ZFP91: variants seen among roughly 807,000 people sequenced by gnomAD.
The protein encoded by ZFP91 is E3 ubiquitin-protein ligase ZFP91.
ZFP91 carries 7 observed loss-of-function variants against 63.5 expected under a neutral mutation model. The observed-to-expected ratio is 0.11, with a 90% CI of 0.06 to 0.21. The LOEUF (loss-of-function observed/expected upper bound fraction) is 0.21, where lower values mean the gene tolerates loss of function less well. Ranked by LOEUF, ZFP91 falls within the 10% of genes least tolerant of loss-of-function variation. The pLI is 1.00. For synonymous variants in ZFP91, 330 were observed against 272.1 expected (o/e 1.21, Z -2.10); for missense variants, 628 against 736.6 (o/e 0.85, Z 1.71).
chr11:58,583,636 T>C (rs902551271), intron 1 of ZFP91, among the ~76,000 whole-genome samples: 1 of 152,124 alleles, frequency 6.6e-6, no homozygotes, highest in African/African-American at 2.4e-5. Context: ...AAGTTTGTTA[T>C]ATAATTTTTC....
rs768110881 is a variant in ZFP91, at chr11:58,617,188, C to G, written c.1203-8C>G. 9.0e-6 allele frequency: 14 copies of G among 1,559,502 alleles called. No homozygotes were observed. Among genetic ancestry groups the G allele is most frequent in the Admixed American group, 4.0e-5 (2 of 50,628 alleles). ...TGGATCAGCCATTTCCTTTTCTCCT[C>G]TCCTTAGATGTGAGATCTGTGGATT... On this transcript the variant is annotated splice_polypyrimidine_tract_variant and splice_region_variant and intron_variant, in intron 10 of 10. Coordinates refer to ENST00000316059, the MANE Select transcript of ZFP91 (RefSeq NM_053023.5). This position sits in a 1 kb window ranked among gnomAD's most constrained non-coding sequence, Gnocchi z 4.2.
chr11:58,584,913 G>C, intron 2 of ZFP91, 29 bp downstream of exon 2: 1 of 1,478,522 alleles, frequency 6.8e-7, no homozygotes, highest in Non-Finnish European at 9.0e-7. Context: ...TACCTCTAGC[G>C]TACATTACAC....
chr11:58,597,697 A>T (rs996850653), intron 2 of ZFP91, among the ~76,000 whole-genome samples: 11 of 152,170 alleles, frequency 7.2e-5, no homozygotes, highest in Non-Finnish European at 5.9e-5. Flanking sequence ...CAAAAACTGC[A>T]AGATTTTTGC....
chr11:58,583,253 T>G (rs1358308273), intron 1 of ZFP91, among the ~76,000 whole-genome samples: 5 of 152,118 alleles, frequency 3.3e-5, no homozygotes, highest in Non-Finnish European at 7.4e-5. Flanking sequence ...ACTTAAAACT[T>G]TAGGGACAAA....
At position 58,594,113 on chromosome 11, in the gene ZFP91, T is replaced by G. The variant is rs1190043171; in HGVS notation, c.370+9229T>G. Among the ~76,000 whole-genome samples the G allele has an allele frequency of 2.6e-5, 4 of 152,350 alleles. No individual in the cohort carries two copies. In the South Asian group the frequency reaches 8.3e-4, roughly 32 times the overall value. On this transcript the variant is annotated intron_variant, in intron 2 of 10. Transcript: ENST00000316059. ...TGCAAATCTGATCATGTCACCGTTC[T>G]GTTTAAACTCTGTCTGTGGCTATTA... is the stretch of plus-strand genomic sequence containing the variant.
At chr11:58,603,176 A>G (rs1855518710) in intron 2 of ZFP91, among the ~76,000 whole-genome samples, 1 of 152,204 alleles carries the variant, frequency 6.6e-6, no homozygotes. Context: ...TAAGCAATGA[A>G]CTTGGATATT....
chr11:58,604,171 A>G (rs1379368949), intron 2 of ZFP91, among the ~76,000 whole-genome samples: 2 of 152,204 alleles, frequency 1.3e-5, no homozygotes, highest in African/African-American at 4.8e-5. Context: ...ACCTGTAAAT[A>G]TGAACTTATT....
chr11:58,582,026 A>T (rs1855126101), intron 1 of ZFP91, among the ~76,000 whole-genome samples: 1 of 152,228 alleles, frequency 6.6e-6, no homozygotes, highest in Non-Finnish European at 1.5e-5. Flanking sequence ...TTTTTGTTAC[A>T]CATTTTTACC....
At chr11:58,603,120 T>A (rs1855517854) in intron 2 of ZFP91, among the ~76,000 whole-genome samples, 1 of 152,234 alleles carries the variant, frequency 6.6e-6, no homozygotes, top group African/African-American at 2.4e-5. Context: ...GTGATCCTTG[T>A]TATAAAGTTG....
intron 2 of ZFP91, among the ~76,000 whole-genome samples, chr11:58,585,252 C>G (rs1855186049): frequency 6.6e-6 from 1 of 152,074 alleles, no homozygotes; most frequent in East Asian, 1.9e-4. Flanking sequence ...GCTGAGTGTT[C>G]TAAGAATTCA....
chr11:58,608,850 G>T (rs994050419), intron 2 of ZFP91, among the ~76,000 whole-genome samples: 1 of 152,072 alleles, frequency 6.6e-6, no homozygotes, highest in Admixed American at 6.5e-5. Flanking sequence ...TGATCTGCCC[G>T]CCTTGGCCAC....
At chr11:58,584,332 A>G (rs1381172706) in intron 1 of ZFP91, among the ~76,000 whole-genome samples, 1 of 152,126 alleles carries the variant, frequency 6.6e-6, no homozygotes, top group South Asian at 2.1e-4. Flanking sequence ...GGAAAATAGT[A>G]TAATGAAACC....
chr11:58,591,002 T>C (rs757649916), intron 2 of ZFP91, among the ~76,000 whole-genome samples: 23 of 152,038 alleles, frequency 1.5e-4, no homozygotes, highest in Non-Finnish European at 2.9e-4. Context: ...ATAAGACATA[T>C]ACATGTACTC....
chr11:58,609,585 T>C (rs1246779120), intron 2 of ZFP91, among the ~76,000 whole-genome samples: 2 of 152,234 alleles, frequency 1.3e-5, no homozygotes, highest in Non-Finnish European at 2.9e-5. Context: ...TAGCATTGCA[T>C]TTTTTAGAAG....
chr11:58,589,614 G>A (rs1590612677), intron 2 of ZFP91, among the ~76,000 whole-genome samples: 2 of 152,304 alleles, frequency 1.3e-5, no homozygotes, highest in Middle Eastern at 6.8e-3. Flanking sequence ...TAATGTTCAA[G>A]CCTCAAAGGC....
At chr11:58,591,831 C>G (rs566606092) in intron 2 of ZFP91, among the ~76,000 whole-genome samples, 1 of 152,140 alleles carries the variant, frequency 6.6e-6, no homozygotes, top group Admixed American at 6.5e-5. Context: ...TCCAATGTAG[C>G]GAACCTTGCA....
chr11:58,611,056 C>T lies in ZFP91; in HGVS notation c.722+2C>T, dbSNP rs762749591. ...GACCTACAAACCCCACTTAGAAAGG[C>T]ATGTCTCAGATTTTACTGCAGACAT... On this transcript the variant is annotated splice_donor_variant, in intron 5 of 10. Transcript: ENST00000316059. LOFTEE classifies it low-confidence loss of function (GC_TO_GT_DONOR). 1 of 1,611,740 alleles carries T rather than the reference C, an allele frequency of 6.2e-7. No homozygotes were observed. The highest frequency in any genetic ancestry group is 8.5e-7 in the Non-Finnish European group (1 of 1,178,708).
intron 2 of ZFP91, among the ~76,000 whole-genome samples, chr11:58,599,101 T>G (rs774874683): frequency 9.3e-5 from 14 of 150,680 alleles, no homozygotes; most frequent in Non-Finnish European, 4.5e-5. Flanking sequence ...ATATAGCATA[T>G]TTTTAAGGTT....
intron 1 of ZFP91, among the ~76,000 whole-genome samples, chr11:58,581,040 T>C (rs1337915384): frequency 6.6e-6 from 1 of 152,334 alleles, no homozygotes; most frequent in South Asian, 2.1e-4. Flanking sequence ...TCCTTACCTA[T>C]AGAGGATAAT....
Sources: allele counts gnomAD v4.1 joint callset (sites outside exome capture counted in the v4.1 genomes callset), GRCh38; gene constraint gnomAD v4.1.1; non-coding constraint Gnocchi (gnomAD v3.1); transcripts MANE v1.5; gene names NCBI Gene and HGNC (gene_info 2026-07-23, HGNC 2026-07-21).